HDAC9: variants seen among roughly 807,000 people sequenced by gnomAD.
HDAC9 encodes histone deacetylase 9.
HDAC9 carries 41 observed loss-of-function variants against 139.4 expected under a neutral mutation model. The ratio of observed to expected loss-of-function variants is 0.29; its 90% CI spans 0.23 to 0.38. The LOEUF (loss-of-function observed/expected upper bound fraction) is 0.38, where lower values mean the gene tolerates loss of function less well. Among genes scored for constraint, HDAC9 ranks in the 10% least tolerant of loss-of-function variants. The pLI is 1.00. For synonymous variants in HDAC9, 517 were observed against 476.2 expected, an observed-to-expected ratio of 1.09 and a Z score of -1.12; for missense variants, 1,147 against 1,297.0, an observed-to-expected ratio of 0.88 and a Z score of 1.78.
chr7:18,585,109 AC>A (rs1371547593), intron 2 of HDAC9, among the ~76,000 whole-genome samples, 171 bp from the exon 3 acceptor site: 1 of 152,218 alleles, frequency 6.6e-6, no homozygotes, highest in Non-Finnish European at 1.5e-5. Context: ...ATTTATCAAA[AC>A]TAATGTACAA....
At chr7:18,124,603 G>T (rs1355116712) in intron 1 of HDAC9, among the ~76,000 whole-genome samples, 1 of 152,196 alleles carries the variant, frequency 6.6e-6, no homozygotes, top group African/African-American at 2.4e-5. Flanking sequence ...TGTAGGGATG[G>T]TGTGCACCCG....
intron 12 of HDAC9, among the ~76,000 whole-genome samples, chr7:18,725,424 G>A (rs1785467158): frequency 6.6e-6 from 1 of 151,874 alleles, no homozygotes; most frequent in African/African-American, 2.4e-5. Flanking sequence ...TTAGCCTCAG[G>A]TAAAGGAGAG....
At chr7:18,330,308 G>A (rs546419772) in intron 1 of HDAC9, among the ~76,000 whole-genome samples, 18 of 151,360 alleles carry the variant, frequency 1.2e-4, no homozygotes, top group East Asian at 1.2e-3. Context: ...GATATTTGCC[G>A]GAAATCTGAA....
upstream of HDAC9, among the ~76,000 whole-genome samples, chr7:18,494,202 T>C (rs1563044803): frequency 6.6e-6 from 1 of 152,098 alleles, no homozygotes; most frequent in Non-Finnish European, 1.5e-5. Flanking sequence ...GTAACTTACA[T>C]ATCCAAATAC....
chr7:18,651,095 C>T (rs10253041), intron 11 of HDAC9, among the ~76,000 whole-genome samples: 4,469 of 152,196 alleles, frequency 0.029, 250 homozygotes, highest in African/African-American at 0.1. Flanking sequence ...CACCTGCTTC[C>T]GTGACGTGAC....
chr7:18,628,118 G>A (rs1266773930), intron 6 of HDAC9, among the ~76,000 whole-genome samples: 1 of 152,092 alleles, frequency 6.6e-6, no homozygotes, highest in Non-Finnish European at 1.5e-5. Context: ...ATAACATTGT[G>A]TCTGCTCTAG....
At chr7:18,599,657 T>C (rs1039844488) in intron 6 of HDAC9, among the ~76,000 whole-genome samples, 12 of 152,004 alleles carry the variant, frequency 7.9e-5, no homozygotes, top group African/African-American at 2.7e-4. Context: ...AATATTCCAT[T>C]GTATGGCTGA....
At chr7:18,232,085 A>G (rs1400095630) in intron 2 of HDAC9, among the ~76,000 whole-genome samples, 2 of 152,190 alleles carry the variant, frequency 1.3e-5, no homozygotes, top group African/African-American at 4.8e-5. Context: ...ATATTTAAGC[A>G]CATATAAAAT....
chr7:18,765,053 C>T (rs921957255), intron 15 of HDAC9, among the ~76,000 whole-genome samples: 2 of 152,138 alleles, frequency 1.3e-5, no homozygotes, highest in Non-Finnish European at 2.9e-5. Context: ...ATATTCCTGT[C>T]GCTCTTATGA....
chr7:18,528,422 A>C (rs560601326), intron 2 of HDAC9, among the ~76,000 whole-genome samples: 1 of 152,274 alleles, frequency 6.6e-6, no homozygotes, highest in South Asian at 2.1e-4. Flanking sequence ...TTATAAGCCC[A>C]GTGAAGGAAA....
intron 8 of HDAC9, among the ~76,000 whole-genome samples, chr7:18,638,230 G>A (rs2129002229): frequency 6.6e-6 from 1 of 152,150 alleles, no homozygotes; most frequent in East Asian, 1.9e-4. Context: ...CTAATTCAGA[G>A]CCCATGTAAA....
chr7:18,115,292 CAA>C (rs67773503), intron 1 of HDAC9, among the ~76,000 whole-genome samples: 1,700 of 130,264 alleles, frequency 0.013, 37 homozygotes, highest in South Asian at 0.089. Flanking sequence ...GACTCTGTCT[CAA>C]AAAAAAAAAA....
upstream of HDAC9, chr7:18,086,903 C>CGCGCG (rs1295069721): frequency 1.9e-3 from 271 of 144,582 alleles, 1 homozygote; most frequent in Non-Finnish European, 3.5e-3. Flanking sequence ...GCCCCCCCCG[C>CGCGCG]GCGGCGGCGG....
chr7:18,732,065 G>C (rs771127376), intron 13 of HDAC9, among the ~76,000 whole-genome samples: 7 of 152,092 alleles, frequency 4.6e-5, no homozygotes. Flanking sequence ...TCTGTATGTT[G>C]GTCAGGTTGG....
At chr7:18,506,072 A>T (rs981394031) in intron 2 of HDAC9, 1 of 152,208 alleles carries the variant, frequency 6.6e-6, no homozygotes, top group Non-Finnish European at 1.5e-5. Context: ...TTTTTGGGTT[A>T]TTTCTAGTAG....
At chr7:18,880,100 C>G (rs796792360) in intron 22 of HDAC9, among the ~76,000 whole-genome samples, 34 of 152,222 alleles carry the variant, frequency 2.2e-4, no homozygotes, top group African/African-American at 7.9e-4. Context: ...ATCAAAGCCA[C>G]AATGAGATAC....
chr7:18,920,003 C>T (rs1180579493), intron 22 of HDAC9, among the ~76,000 whole-genome samples: 1 of 151,970 alleles, frequency 6.6e-6, no homozygotes, highest in Non-Finnish European at 1.5e-5. Flanking sequence ...TCCATATGAA[C>T]TTTAACGTGG....
At chr7:18,548,252 C>T (rs1210299502) in intron 2 of HDAC9, among the ~76,000 whole-genome samples, 2 of 152,008 alleles carry the variant, frequency 1.3e-5, no homozygotes, top group East Asian at 1.9e-4. Flanking sequence ...GGGTGTGGTT[C>T]GTGGTGCTCC....
rs150153187 is a variant in HDAC9, at chr7:18,682,961, A to G, written c.1731+16485A>G. Among the ~76,000 whole-genome samples the G allele has an allele frequency of 8.7e-4, 132 of 152,090 alleles. 1 individual carries two copies. Among genetic ancestry groups the G allele is most frequent in the African/African-American group, 3.1e-3 (128 of 41,522 alleles). On this transcript the variant is annotated intron_variant, in intron 12 of 25. Transcript: ENST00000686413. ...ATACCATTACACTCCAGCCTGGGAG[A>G]TAGAGGGAGACTCTGCCTCAACAAC...
Sources: gnomAD v4.1 joint callset for allele counts (sites outside exome capture counted in the v4.1 genomes callset) on GRCh38, gnomAD v4.1.1 for gene constraint, MANE v1.5 for transcripts, NCBI Gene and HGNC (gene_info 2026-07-23, HGNC 2026-07-21) for gene names.